Variants in HNRNPA1L3 observed in about 807,000 individuals in gnomAD.
HNRNPA1L3 encodes the protein heterogeneous nuclear ribonucleoprotein A1 like 3.
chr16:51,646,678 C>A, the HNRNPA1L3 span: 1 of 1,598,464 alleles, frequency 6.3e-7, no homozygotes, highest in African/African-American at 1.3e-5. Flanking sequence ...GAAGCTCTGG[C>A]CCCCATGGCG....
the HNRNPA1L3 span, chr16:51,647,056 C>G: frequency 4.8e-4 from 224 of 462,208 alleles, no homozygotes; most frequent in African/African-American, 4.1e-3. Flanking sequence ...TTTTGCACCC[C>G]ATGCTGTTGA....
chr16:51,646,810 A>C, the HNRNPA1L3 span: 32 of 1,551,776 alleles, frequency 2.1e-5, no homozygotes, highest in Non-Finnish European at 2.7e-5. Flanking sequence ...AGGAGAGGAG[A>C]GCCAGAGAAG....
At chr16:51,646,672 C>T in the HNRNPA1L3 span, 5 of 1,598,486 alleles carry the variant, frequency 3.1e-6, no homozygotes, top group Non-Finnish European at 4.2e-6. Flanking sequence ...AAGGCAGAAG[C>T]TCTGGCCCCC....
At chr16:51,646,203 G>C in the HNRNPA1L3 span, 2 of 1,595,432 alleles carry the variant, frequency 1.3e-6, no homozygotes, top group Non-Finnish European at 8.5e-7. Context: ...GAACAGTATG[G>C]AAAAATTGAA....
the HNRNPA1L3 span, chr16:51,646,119 A>T: frequency 1.9e-6 from 3 of 1,595,984 alleles, no homozygotes; most frequent in Non-Finnish European, 2.5e-6. Context: ...CCAGATGCCC[A>T]CTTAACTGTG....
At chr16:51,647,045 T>C in the HNRNPA1L3 span, 23 of 497,400 alleles carry the variant, frequency 4.6e-5, no homozygotes, top group East Asian at 8.0e-4. Flanking sequence ...AGATTTTTTT[T>C]TTTTGCACCC....
the HNRNPA1L3 span, chr16:51,646,365 A>C: frequency 1.3e-6 from 2 of 1,525,460 alleles, no homozygotes; most frequent in East Asian, 4.5e-5. Flanking sequence ...GCCCTGTCAA[A>C]GCAAGAGATG....
the HNRNPA1L3 span, chr16:51,645,788 A>G: frequency 5.2e-5 from 84 of 1,608,106 alleles, no homozygotes; most frequent in South Asian, 8.1e-4. Flanking sequence ...CCGAAGAAGC[A>G]TCGTTAAAGT....
the HNRNPA1L3 span, chr16:51,646,300 G>A: frequency 6.3e-7 from 1 of 1,591,376 alleles, no homozygotes; most frequent in Admixed American, 1.7e-5. Flanking sequence ...CCGTGGATAA[G>A]ATTGTCATTC....
chr16:51,646,893 A>C, the HNRNPA1L3 span: 13 of 812,530 alleles, frequency 1.6e-5, no homozygotes, highest in Non-Finnish European at 2.7e-5. Context: ...CCTAGCTGCT[A>C]CAAAGAAGAC....
chr16:51,646,135 G>A, the HNRNPA1L3 span: 1 of 1,595,280 alleles, frequency 6.3e-7, no homozygotes, highest in Non-Finnish European at 8.5e-7. Flanking sequence ...CTGTGAAAAA[G>A]ATATTTGTTG....
chr16:51,646,959 G>A, the HNRNPA1L3 span: 486 of 678,040 alleles, frequency 7.2e-4, no homozygotes, highest in African/African-American at 7.6e-3. Context: ...CTGTATTTGT[G>A]ACTAATTGTA....
At chr16:51,646,436 G>A in the HNRNPA1L3 span, 2 of 1,581,644 alleles carry the variant, frequency 1.3e-6, no homozygotes, top group Non-Finnish European at 8.6e-7. Flanking sequence ...TGGTGGTCGT[G>A]GAGGTGGTTT....
the HNRNPA1L3 span, chr16:51,645,777 G>C: frequency 8.6e-5 from 138 of 1,607,594 alleles, no homozygotes; most frequent in Admixed American, 2.2e-4. Context: ...CTTGGACGCC[G>C]CCGAAGAAGC....
chr16:51,646,218 T>C, the HNRNPA1L3 span: 16 of 1,596,274 alleles, frequency 1.0e-5, no homozygotes, highest in African/African-American at 1.3e-5. Context: ...ATTGAAGTGA[T>C]TGAAATCATG....
the HNRNPA1L3 span, chr16:51,646,564 T>C: frequency 1.3e-6 from 2 of 1,592,064 alleles, no homozygotes; most frequent in South Asian, 1.1e-5. Flanking sequence ...GATTTGGTAA[T>C]GATGGAAGCA....
At chr16:51,645,791 G>A in the HNRNPA1L3 span, 318 of 1,607,954 alleles carry the variant, frequency 2.0e-4, no homozygotes, top group Non-Finnish European at 2.6e-4. Flanking sequence ...AAGAAGCATC[G>A]TTAAAGTCTC....
At chr16:51,645,828 C>G in the HNRNPA1L3 span, 2 of 1,606,640 alleles carry the variant, frequency 1.2e-6, no homozygotes, top group African/African-American at 2.7e-5. Context: ...ATGTCTAAGT[C>G]AGAGTCTCCT....
the HNRNPA1L3 span, chr16:51,646,166 G>A: frequency 1.3e-6 from 2 of 1,587,854 alleles, no homozygotes; most frequent in Non-Finnish European, 1.7e-6. Flanking sequence ...AGAAGACACT[G>A]AAGAACATCA....
Sources: allele counts gnomAD v4.1 joint callset, GRCh38; gene constraint gnomAD v4.1.1; transcripts MANE v1.5; gene names NCBI Gene and HGNC (gene_info 2026-07-23, HGNC 2026-07-21).